Variants in MARS1 observed in about 807,000 individuals in gnomAD.
MARS1 encodes the protein methionine--tRNA ligase, cytoplasmic.
In MARS1, 80 loss-of-function variants were observed where a neutral mutation model predicts 119.5. That is an observed-to-expected ratio of 0.67 (90% confidence interval 0.56 to 0.81). The LOEUF (loss-of-function observed/expected upper bound fraction) is 0.81. MARS1 is among the 30% of genes least tolerant of loss of function. The pLI is 0.00. For synonymous variants in MARS1, 418 were observed against 433.4 expected (o/e 0.96, Z 0.44); for missense variants, 945 against 1,116.5 (o/e 0.85, Z 2.19).
rs978646260 is a variant in MARS1, at chr12:57,515,948, A to G, written c.2420A>G (p.Asn807Ser). ...TVSPLFQKLENDQIESLRQRF... is the reference protein window; with the variant it reads ...TVSPLFQKLESDQIESLRQRF... The stretch of plus-strand genomic sequence containing the variant: ...AGTCCCTTGTTCCAAAAATTGGAAA[A>G]TGACCAGATTGAAAGTTTAAGGCAG... Residue 807 changes from asparagine to serine, a missense_variant, in exon 19 of 21, where the codon AAT (asparagine) becomes AGT (serine). Physicochemically the swap from Asn to Ser is conservative, Grantham distance 46. Coordinates refer to ENST00000262027, the MANE Select transcript of MARS1 (RefSeq NM_004990.4). 2 of 1,614,002 alleles carry G rather than the reference A, an allele frequency of 1.2e-6. No homozygotes were observed. The highest frequency in any genetic ancestry group is 1.7e-6 in the Non-Finnish European group (2 of 1,180,008).
At chr12:57,489,602 T>C (rs1052493746) in intron 4 of MARS1, 44 bp downstream of exon 4, 88 of 1,612,104 alleles carry the variant, frequency 5.5e-5, no homozygotes, top group Non-Finnish European at 6.8e-5. Flanking sequence ...GCTTATGGTG[T>C]AAGGATTAAG....
At chr12:57,492,005 C>T (rs572086925) in intron 7 of MARS1, among the ~76,000 whole-genome samples, 5 of 152,138 alleles carry the variant, frequency 3.3e-5, no homozygotes, top group East Asian at 1.9e-4. Context: ...CCAGGCCGGG[C>T]GCGGTGGCTC....
In MARS1 at chr12:57,500,505, A is replaced by G; in HGVS notation, c.1276A>G (p.Asn426Asp). 6.2e-7 allele frequency: 1 copy of G among 1,614,146 alleles called. No homozygotes were observed. The highest frequency in any genetic ancestry group is 8.5e-7 in the Non-Finnish European group (1 of 1,180,024). Residue 426 changes from asparagine to aspartate, a missense_variant, in exon 10 of 21, where the codon AAT becomes GAT. Coordinates refer to ENST00000262027, the MANE Select transcript of MARS1 (RefSeq NM_004990.4). ...GTGTGACAAGTGTGGCAAGCTCATC[A>G]ATGCTGTCGAGCTTAAGGTAAGAGG... ...DQCDKCGKLI[N>D]AVELKKPQCK...
At chr12:57,506,103 C>T (rs952423775) in intron 11 of MARS1, among the ~76,000 whole-genome samples, 3 of 151,622 alleles carry the variant, frequency 2.0e-5, no homozygotes, top group African/African-American at 7.3e-5. Flanking sequence ...ACAAAAAATA[C>T]AGAAGTTAAC....
At chr12:57,511,899 G>T (rs1274392179) in intron 12 of MARS1, 31 bp downstream of exon 12, 1 of 1,612,178 alleles carries the variant, frequency 6.2e-7, no homozygotes, top group South Asian at 1.1e-5. Flanking sequence ...ATATCATTCA[G>T]CCTTAGTGTT....
chr12:57,507,581 C>G (rs1480543786), intron 11 of MARS1, among the ~76,000 whole-genome samples: 2 of 144,846 alleles, frequency 1.4e-5, no homozygotes, highest in East Asian at 4.3e-4. Context: ...CCCCTCACCT[C>G]CCGGACGGGG....
chr12:57,492,669 TCACACACACACACACACACACACA>T (rs58931225), intron 7 of MARS1, among the ~76,000 whole-genome samples: 25,505 of 139,530 alleles, frequency 0.18, 2,371 homozygotes, highest in East Asian at 0.31. Flanking sequence ...CGACTCCATT[TCACACACACACACACACACACACA>T]CACACACACA....
At position 57,512,914 on chromosome 12, in the gene MARS1, G is replaced by A. The variant is rs2140035131; in HGVS notation, c.1917G>A (p.Leu639=). The A allele has an allele frequency of 6.2e-7, 1 of 1,614,232 alleles. No individual in the cohort carries two copies. Among genetic ancestry groups the A allele is most frequent in the Non-Finnish European group, 8.5e-7 (1 of 1,180,046 alleles). ...QDSAFSWTDL[L]LKNNSELLNN... ...GTGCTTTCTCCTGGACGGACCTGCT[G>A]CTGAAGAATAATTCTGAGCTGCTTA... Residue 639 remains leucine (L), a synonymous_variant, in exon 15 of 21, where the codon CTG becomes CTA. Coordinates refer to ENST00000262027, the MANE Select transcript of MARS1 (RefSeq NM_004990.4).
At chr12:57,496,920 C>CT (rs1250766581) in intron 7 of MARS1, among the ~76,000 whole-genome samples, 1 of 152,164 alleles carries the variant, frequency 6.6e-6, no homozygotes, top group East Asian at 1.9e-4. Context: ...GCTTGCCTTC[C>CT]TTTGATCTCC....
chr12:57,501,810 A>C (rs1331710204), intron 10 of MARS1, among the ~76,000 whole-genome samples: 1 of 151,512 alleles, frequency 6.6e-6, no homozygotes, highest in Admixed American at 6.6e-5. Context: ...TTACAAAGTA[A>C]GACTCTGTCT....
At chr12:57,514,076 A>T (rs565461722) in intron 15 of MARS1, among the ~76,000 whole-genome samples, 31 of 130,146 alleles carry the variant, frequency 2.4e-4, no homozygotes, top group African/African-American at 6.1e-4. Flanking sequence ...AAAAAAAATT[A>T]AAAAAAAAAA....
intron 7 of MARS1, among the ~76,000 whole-genome samples, chr12:57,494,709 C>CT (rs1430489771): frequency 6.6e-6 from 1 of 151,818 alleles, no homozygotes; most frequent in Non-Finnish European, 1.5e-5. Context: ...GGTGATGACT[C>CT]TTAACGAGCA....
intron 7 of MARS1, among the ~76,000 whole-genome samples, chr12:57,495,751 C>T (rs1453424480): frequency 3.3e-5 from 5 of 152,256 alleles, no homozygotes; most frequent in Non-Finnish European, 5.9e-5. Flanking sequence ...GCAATCCCAG[C>T]ACCTCAGGAG....
At chr12:57,500,614 C>A in intron 10 of MARS1, 92 bp downstream of exon 10, 1 of 1,236,030 alleles carries the variant, frequency 8.1e-7, no homozygotes, top group Non-Finnish European at 1.1e-6. Flanking sequence ...TTTATTTTAG[C>A]ATTCTAGACC....
intron 11 of MARS1, among the ~76,000 whole-genome samples, chr12:57,511,155 A>AT (rs376761350): frequency 1.2e-3 from 182 of 150,304 alleles, no homozygotes; most frequent in African/African-American, 3.6e-3. Flanking sequence ...AAAAAAAAAA[A>AT]TTTTTTTTAG....
At chr12:57,512,680 A>C in intron 14 of MARS1, 71 bp from the exon 15 acceptor site, 20 of 1,191,964 alleles carry the variant, frequency 1.7e-5, no homozygotes, top group Non-Finnish European at 2.3e-5. Context: ...GAAAGAAGGA[A>C]GAGTTAGTGG....
chr12:57,490,875 CTT>C (rs34238800), intron 7 of MARS1, among the ~76,000 whole-genome samples: 1,538 of 101,032 alleles, frequency 0.015, 27 homozygotes, highest in African/African-American at 0.05. Flanking sequence ...CTTGTCTATC[CTT>C]TTTTTTTTTT....
chr12:57,495,987 G>T (rs564668978), intron 7 of MARS1, among the ~76,000 whole-genome samples: 2 of 152,074 alleles, frequency 1.3e-5, no homozygotes. Flanking sequence ...GAGGGAGACC[G>T]TGGAAAGTGG....
At chr12:57,504,409 A>C (rs1877080750) in intron 11 of MARS1, 110 bp downstream of exon 11, 1 of 862,340 alleles carries the variant, frequency 1.2e-6, no homozygotes, top group South Asian at 1.4e-5. Flanking sequence ...AATTTCCATT[A>C]AGAATTGTAC....
Sources: gnomAD v4.1 joint callset for allele counts (sites outside exome capture counted in the v4.1 genomes callset) on GRCh38, gnomAD v4.1.1 for gene constraint, MANE v1.5 for transcripts, NCBI Gene and HGNC (gene_info 2026-07-23, HGNC 2026-07-21) for gene names.